The following CNIH3 variants were observed in gnomAD, a reference collection of about 807,000 sequenced individuals.
CNIH3 encodes protein cornichon homolog 3.
In CNIH3, 14 loss-of-function variants were observed where a neutral mutation model predicts 24.1. That is an observed-to-expected ratio of 0.58 (90% CI 0.38 to 0.91). The LOEUF is 0.91. Ranked by LOEUF, CNIH3 falls within the 40% of genes least tolerant of loss-of-function variation. The pLI, the probability that CNIH3 is intolerant of heterozygous loss-of-function variation, is 0.00. For synonymous variants in CNIH3, 68 were observed against 73.8 expected (o/e 0.92, Z 0.40); for missense variants, 178 against 196.8 (o/e 0.90, Z 0.57).
At chr1:224,723,281 C>T (rs1400124679) in intron 3 of CNIH3, among the ~76,000 whole-genome samples, 2 of 152,156 alleles carry the variant, frequency 1.3e-5, no homozygotes, top group Admixed American at 1.3e-4. Flanking sequence ...GCCATCACAC[C>T]CTGGGTGATC....
intron 1 of CNIH3, among the ~76,000 whole-genome samples, chr1:224,641,733 G>A (rs1684371554): frequency 6.6e-6 from 1 of 152,170 alleles, no homozygotes; most frequent in African/African-American, 2.4e-5. Context: ...AGAGGATGCG[G>A]CCTCTACCCA....
intron 3 of CNIH3, among the ~76,000 whole-genome samples, chr1:224,726,293 G>A (rs1229278079): frequency 6.6e-6 from 1 of 152,260 alleles, no homozygotes; most frequent in Non-Finnish European, 1.5e-5. Flanking sequence ...GGAGACTGAT[G>A]AGAAGAAGGA....
At chr1:224,677,408 T>C (rs529360198) in intron 1 of CNIH3, among the ~76,000 whole-genome samples, 2 of 152,204 alleles carry the variant, frequency 1.3e-5, no homozygotes, top group Non-Finnish European at 2.9e-5. Flanking sequence ...ATTGCCTGTG[T>C]CTAAAGGATG....
At position 224,462,215 on chromosome 1, in the gene CNIH3, T is replaced by C. The variant is rs182637291; in HGVS notation, n.203+27353T>C. On this transcript the variant is annotated intron_variant and non_coding_transcript_variant, in intron 1 of 5. Transcript: ENST00000471578. ...TAGGGTTGGTTCACTCTTACCCTAA[T>C]GTAGGGTTCATGTGGTGTCGTACAT... Among the ~76,000 whole-genome samples the C allele has an allele frequency of 1.9e-3, 292 of 152,340 alleles. 1 individual carries two copies. The highest frequency in any genetic ancestry group is 4.4e-3 in the African/African-American group (181 of 41,582).
chr1:224,614,934 G>A (rs1027311950), upstream of CNIH3, among the ~76,000 whole-genome samples: 42 of 125,734 alleles, frequency 3.3e-4, no homozygotes, highest in Admixed American at 1.2e-3. Flanking sequence ...GTGAGACTCC[G>A]TCAAATAAAT....
At chr1:224,629,591 C>T (rs909119880) in intron 1 of CNIH3, among the ~76,000 whole-genome samples, 1 of 152,254 alleles carries the variant, frequency 6.6e-6, no homozygotes, top group East Asian at 2.0e-4. Context: ...GTGGATAATG[C>T]TGCTGTGAAT....
downstream of CNIH3, chr1:224,537,305 C>T (rs1469563782): frequency 6.6e-6 from 1 of 152,204 alleles, no homozygotes; most frequent in African/African-American, 2.4e-5. Context: ...GAGACAAATG[C>T]ATATCTGATT....
At chr1:224,514,829 C>CA (rs1029529110), upstream of CNIH3, among the ~76,000 whole-genome samples, 1 of 152,124 alleles carries the variant, frequency 6.6e-6, no homozygotes, top group Non-Finnish European at 1.5e-5. Flanking sequence ...GACCCTGTCT[C>CA]AAAAAACAAA....
At chr1:224,683,806 A>T (rs1429611096) in intron 2 of CNIH3, among the ~76,000 whole-genome samples, 1 of 152,202 alleles carries the variant, frequency 6.6e-6, no homozygotes, top group African/African-American at 2.4e-5. Flanking sequence ...GTCTTGTAGC[A>T]TTCCCTTTCG....
At chr1:224,445,743 A>C (rs1036549661) in intron 1 of CNIH3, among the ~76,000 whole-genome samples, 1 of 152,124 alleles carries the variant, frequency 6.6e-6, no homozygotes, top group Non-Finnish European at 1.5e-5. Flanking sequence ...TGATGAACAG[A>C]AGTTCTTAAT....
At chr1:224,662,764 A>C (rs1250674599) in intron 1 of CNIH3, among the ~76,000 whole-genome samples, 1 of 152,218 alleles carries the variant, frequency 6.6e-6, no homozygotes, top group African/African-American at 2.4e-5. Flanking sequence ...ATATAAACAA[A>C]GACCCAATAG....
At chr1:224,702,321 C>T (rs1687540484) in intron 3 of CNIH3, among the ~76,000 whole-genome samples, 1 of 152,152 alleles carries the variant, frequency 6.6e-6, no homozygotes, top group Non-Finnish European at 1.5e-5. Flanking sequence ...TTGGCCCCAA[C>T]CCTGCAGTAA....
intron 3 of CNIH3, among the ~76,000 whole-genome samples, chr1:224,608,814 G>A (rs965862859): frequency 1.3e-5 from 2 of 152,204 alleles, no homozygotes; most frequent in African/African-American, 2.4e-5. Context: ...AGTTGGGAGG[G>A]GCCACATGCA....
intron 5 of CNIH3, among the ~76,000 whole-genome samples, chr1:224,736,962 C>CGA (rs1171582421): frequency 6.6e-6 from 1 of 152,184 alleles, no homozygotes; most frequent in African/African-American, 2.4e-5. Flanking sequence ...ACAGACTTCC[C>CGA]CTTCTGCAGA....
chr1:224,434,717 G>C lies in CNIH3; in HGVS notation n.58G>C, dbSNP rs1674560670. ...GCGGCGGCGGCGGCGGGCGGCAGCG[G>C]AGGCAGCTGCCGCCTCTGTCCTCGG... On this transcript the variant is annotated non_coding_transcript_exon_variant, in exon 1 of 6. Transcript: ENST00000471578. 2.4e-5 allele frequency: 23 copies of C among 975,848 alleles called. No individual in the cohort carries two copies. In the South Asian group the frequency reaches 3.2e-4, roughly 14 times the overall value. The allele number at this position is 975,848 out of a possible 1,614,324, so 60.4% of individuals were successfully genotyped here.
chr1:224,711,681 C>T (rs1431845424), intron 3 of CNIH3, among the ~76,000 whole-genome samples: 1 of 150,246 alleles, frequency 6.7e-6, no homozygotes, highest in Non-Finnish European at 1.5e-5. Flanking sequence ...TGTAGTCCCA[C>T]CTACTCAGGA....
chr1:224,627,899 G>A (rs1416960981), intron 1 of CNIH3, among the ~76,000 whole-genome samples: 2 of 152,140 alleles, frequency 1.3e-5, no homozygotes, highest in Non-Finnish European at 2.9e-5. Flanking sequence ...CACCACCTGA[G>A]TCTCAGAGGC....
At chr1:224,470,179 C>T (rs1157259169) in intron 1 of CNIH3, among the ~76,000 whole-genome samples, 4 of 151,724 alleles carry the variant, frequency 2.6e-5, no homozygotes, top group Non-Finnish European at 4.4e-5. Context: ...CCACCATGCC[C>T]GGCTAATTTT....
At chr1:224,593,196 C>T (rs773634799), downstream of CNIH3, among the ~76,000 whole-genome samples, 27 of 148,782 alleles carry the variant, frequency 1.8e-4, no homozygotes, top group Non-Finnish European at 3.8e-4. Context: ...CACTCTGTTG[C>T]CTAGGCTGGA....
Sources: allele counts gnomAD v4.1 joint callset (sites outside exome capture counted in the v4.1 genomes callset), GRCh38; gene constraint gnomAD v4.1.1; transcripts MANE v1.5; gene names NCBI Gene and HGNC (gene_info 2026-07-23, HGNC 2026-07-21).